The following DENND1A variants were observed in gnomAD, a reference collection of about 807,000 sequenced individuals.
DENND1A encodes DENN domain-containing protein 1A.
In DENND1A, 51 loss-of-function variants were observed where a neutral mutation model predicts 113.7. That is an observed-to-expected ratio of 0.45 (90% CI 0.36 to 0.57). The LOEUF (loss-of-function observed/expected upper bound fraction) is 0.57. DENND1A is among the 20% of genes least tolerant of loss of function. The probability of loss-of-function intolerance (pLI) is 0.00; values close to 1 mark genes in which losing one functional copy is unlikely to be tolerated. For synonymous variants in DENND1A, 565 were observed against 570.8 expected (o/e 0.99, Z 0.14); for missense variants, 1,258 against 1,395.9 (o/e 0.90, Z 1.57).
At chr9:123,648,685 C>A (rs1428504659) in intron 9 of DENND1A, among the ~76,000 whole-genome samples, 1 of 152,020 alleles carries the variant, frequency 6.6e-6, no homozygotes, top group Non-Finnish European at 1.5e-5. Flanking sequence ...TATTTTGGAC[C>A]ACCTTTAAAT....
At chr9:123,814,826 G>A (rs1837196813) in intron 2 of DENND1A, among the ~76,000 whole-genome samples, 3 of 152,086 alleles carry the variant, frequency 2.0e-5, no homozygotes, top group South Asian at 4.1e-4. Context: ...TCCAAGTGAC[G>A]CTACCTAAAA....
At chr9:123,875,109 C>G (rs1289795434) in intron 2 of DENND1A, among the ~76,000 whole-genome samples, 1 of 152,010 alleles carries the variant, frequency 6.6e-6, no homozygotes, top group Non-Finnish European at 1.5e-5. Flanking sequence ...CATAATTGAG[C>G]AAAAAAGCAG....
chr9:123,519,679 A>C (rs10986035), intron 13 of DENND1A, among the ~76,000 whole-genome samples: 54,476 of 151,788 alleles, frequency 0.36, 10,178 homozygotes, highest in African/African-American at 0.48. Flanking sequence ...TGACCTCCCA[A>C]AGTGCTTTGA....
intron 9 of DENND1A, among the ~76,000 whole-genome samples, chr9:123,646,414 T>C (rs1345622746): frequency 2.0e-5 from 3 of 152,112 alleles, no homozygotes; most frequent in Non-Finnish European, 2.9e-5. Context: ...CAAGAAAGTT[T>C]TGTTTTGAAG....
intron 5 of DENND1A, among the ~76,000 whole-genome samples, chr9:123,698,283 C>T (rs756065369): frequency 6.6e-6 from 1 of 152,002 alleles, no homozygotes; most frequent in Non-Finnish European, 1.5e-5. Flanking sequence ...ATTAGAAAAC[C>T]GGAGCTCAAA....
chr9:123,667,252 T>C (rs1258970142), intron 7 of DENND1A, among the ~76,000 whole-genome samples, 173 bp from the exon 8 acceptor site: 1 of 152,192 alleles, frequency 6.6e-6, no homozygotes, highest in Non-Finnish European at 1.5e-5. Flanking sequence ...TTGAACCAGA[T>C]GCATTAAATC....
chr9:123,927,379 T>G (rs1171697838), intron 1 of DENND1A, among the ~76,000 whole-genome samples: 1 of 152,216 alleles, frequency 6.6e-6, no homozygotes, highest in African/African-American at 2.4e-5. Flanking sequence ...TCATTAAAAT[T>G]TTCTTCTCCA....
chr9:123,532,899 C>A (rs984082534), intron 13 of DENND1A, among the ~76,000 whole-genome samples: 4 of 152,202 alleles, frequency 2.6e-5, no homozygotes, highest in Non-Finnish European at 4.4e-5. Context: ...AATAAGGCTG[C>A]AGGCCAGAGC....
intron 10 of DENND1A, among the ~76,000 whole-genome samples, chr9:123,609,914 G>A (rs986981067): frequency 1.3e-5 from 2 of 152,226 alleles, no homozygotes; most frequent in African/African-American, 4.8e-5. Context: ...AAGGTTGGAT[G>A]AAGGGCATAA....
chr9:123,461,414 C>A (rs1374069462), intron 13 of DENND1A, among the ~76,000 whole-genome samples: 2 of 152,170 alleles, frequency 1.3e-5, no homozygotes, highest in Non-Finnish European at 2.9e-5. Flanking sequence ...GCCACAGGAG[C>A]CTTGTGTGGT....
intron 8 of DENND1A, among the ~76,000 whole-genome samples, chr9:123,661,892 A>T (rs1445858824): frequency 6.6e-6 from 1 of 152,172 alleles, no homozygotes; most frequent in Non-Finnish European, 1.5e-5. Context: ...AAAACAAGAA[A>T]ATTAGAGGAT....
intron 10 of DENND1A, among the ~76,000 whole-genome samples, chr9:123,620,228 A>AG (rs2060880755): frequency 4.0e-5 from 6 of 149,022 alleles, no homozygotes; most frequent in Admixed American, 1.3e-4. Flanking sequence ...AAAAAAAAAA[A>AG]AAAAAAAAAA....
At chr9:123,638,493 G>A (rs946828900) in intron 9 of DENND1A, among the ~76,000 whole-genome samples, 1 of 152,122 alleles carries the variant, frequency 6.6e-6, no homozygotes, top group African/African-American at 2.4e-5. Context: ...TTGTTATACA[G>A]AATCTCGTTC....
intron 5 of DENND1A, among the ~76,000 whole-genome samples, chr9:123,743,171 G>C (rs1337233484): frequency 6.6e-6 from 1 of 152,074 alleles, no homozygotes; most frequent in Non-Finnish European, 1.5e-5. Flanking sequence ...TTGGGAGGTT[G>C]AGACAGGCAG....
chr9:123,807,649 G>A (rs1199789319), intron 2 of DENND1A, among the ~76,000 whole-genome samples: 1 of 152,186 alleles, frequency 6.6e-6, no homozygotes, highest in Non-Finnish European at 1.5e-5. Flanking sequence ...CATGTTTGCT[G>A]AATTGAATTC....
chr9:123,624,377 C>G (rs746183887), intron 10 of DENND1A, among the ~76,000 whole-genome samples: 43 of 152,324 alleles, frequency 2.8e-4, no homozygotes, highest in Non-Finnish European at 5.3e-4. Flanking sequence ...TTTGTAGTAT[C>G]TGACCAAAGC....
At chr9:123,894,982 G>C (rs138284785) in intron 1 of DENND1A, among the ~76,000 whole-genome samples, 12 of 152,156 alleles carry the variant, frequency 7.9e-5, no homozygotes, top group African/African-American at 2.6e-4. Context: ...ACAGAGGTAT[G>C]AATGCTCATG....
chr9:123,668,059 T>C (rs1349246437), intron 7 of DENND1A, among the ~76,000 whole-genome samples: 1 of 152,144 alleles, frequency 6.6e-6, no homozygotes, highest in Non-Finnish European at 1.5e-5. Context: ...CAGGCTGAAC[T>C]GATGGCACCT....
intron 13 of DENND1A, among the ~76,000 whole-genome samples, chr9:123,540,131 G>A (rs958282407): frequency 1.4e-4 from 21 of 152,038 alleles, no homozygotes; most frequent in African/African-American, 4.8e-4. Context: ...TTCCTCATAG[G>A]ACAAAATGTA....
Sources: gnomAD v4.1 joint callset for allele counts (sites outside exome capture counted in the v4.1 genomes callset) on GRCh38, gnomAD v4.1.1 for gene constraint, MANE v1.5 for transcripts, NCBI Gene and HGNC (gene_info 2026-07-23, HGNC 2026-07-21) for gene names.